Variants in AHRR observed in about 807,000 individuals in gnomAD.
AHRR encodes the protein ahR repressor.
A neutral mutation model predicts 44.0 loss-of-function variants in AHRR; 28 were observed. The ratio of observed to expected loss-of-function variants is 0.64; its 90% CI spans 0.47 to 0.87. The LOEUF (loss-of-function observed/expected upper bound fraction) is 0.87, where lower values mean the gene tolerates loss of function less well. Among genes scored for constraint, AHRR ranks in the 40% least tolerant of loss-of-function variants. AHRR has a pLI of 0.00. For synonymous variants in AHRR, 434 were observed against 407.0 expected (o/e 1.07, Z -0.80); for missense variants, 990 against 953.9 (o/e 1.04, Z -0.50).
chr5:336,963 A>T (rs1194167413), intron 1 of AHRR, among the ~76,000 whole-genome samples: 1 of 152,176 alleles, frequency 6.6e-6, no homozygotes, highest in Non-Finnish European at 1.5e-5. Context: ...CATTTGTTGA[A>T]GAGATTGTTC....
chr5:326,009 C>T lies in AHRR; in HGVS notation c.-11+4190C>T, dbSNP rs181506151. Among the ~76,000 whole-genome samples, 1 of 152,160 alleles carries T rather than the reference C, an allele frequency of 6.6e-6. No homozygotes were observed. Among genetic ancestry groups the T allele is most frequent in the Non-Finnish European group, 1.5e-5 (1 of 68,042 alleles). On this transcript the variant is annotated intron_variant, in intron 1 of 10. Coordinates refer to ENST00000684583, the MANE Select transcript of AHRR (RefSeq NM_001377236.1). This position sits in a 1 kb window ranked among gnomAD's most constrained non-coding sequence, Gnocchi z 4.1. The stretch of plus-strand genomic sequence containing the variant: ...TGTTGGCCAGGCTGGTCTTGAACTC[C>T]TGACCTCAGGCGATTCCCCTGCCTC...
intron 4 of AHRR, among the ~76,000 whole-genome samples, chr5:392,418 C>T (rs1231321820): frequency 5.3e-5 from 6 of 113,950 alleles, no homozygotes; most frequent in Non-Finnish European, 8.9e-5. Context: ...AGAGCGTGCA[C>T]GAACACACGG....
chr5:347,058 G>A (rs1742704463), intron 2 of AHRR, among the ~76,000 whole-genome samples: 1 of 152,166 alleles, frequency 6.6e-6, no homozygotes, highest in Non-Finnish European at 1.5e-5. Flanking sequence ...CCAGCATTAG[G>A]GTTAGAGTCC....
rs770858910 is a variant in AHRR at position 434,418 on chromosome 5, A to G, written c.1678A>G (p.Arg560Gly). 6.2e-7 allele frequency: 1 copy of G among 1,613,316 alleles called. No homozygotes were observed. The highest frequency in any genetic ancestry group is 1.1e-5 in the South Asian group (1 of 91,080). Residue 560 changes from arginine (R) to glycine (G), a missense_variant, in exon 11 of 11, where the codon AGG (arginine) becomes GGG (glycine). Coordinates refer to ENST00000684583, the MANE Select transcript of AHRR (RefSeq NM_001377236.1). ...PSQVWLGASD[R>G]SHPATFPTRM... ...CCAGGTGTGGCTGGGGGCCAGTGAC[A>G]GGAGCCACCCAGCCACCTTCCCTAC...
At chr5:430,372 C>T (rs539409584) in intron 8 of AHRR, among the ~76,000 whole-genome samples, 17 of 152,374 alleles carry the variant, frequency 1.1e-4, no homozygotes, top group African/African-American at 2.4e-4. Context: ...CACCAGGACC[C>T]GCCACTGAGC....
intron 1 of AHRR, 36 bp from the exon 2 acceptor site, chr5:343,857 C>T: frequency 1.3e-6 from 2 of 1,571,938 alleles, no homozygotes; most frequent in Non-Finnish European, 1.7e-6. Flanking sequence ...GCGCACGTGG[C>T]GCGTTCCGGT....
At chr5:398,262 C>T (rs1417496107) in intron 4 of AHRR, among the ~76,000 whole-genome samples, 1 of 152,010 alleles carries the variant, frequency 6.6e-6, no homozygotes, top group Non-Finnish European at 1.5e-5. Context: ...CACGTAGCTC[C>T]TGACCATCCA....
intron 8 of AHRR, among the ~76,000 whole-genome samples, chr5:428,651 T>C (rs368862986): frequency 6.6e-6 from 1 of 152,264 alleles, no homozygotes; most frequent in East Asian, 1.9e-4. Context: ...TTACTCACTA[T>C]GCATTTCATT....
In AHRR at chr5:411,072, A is replaced by G. The variant is rs1172142490; in HGVS notation, c.352-2272A>G. On this transcript the variant is annotated intron_variant, in intron 4 of 10. Coordinates refer to ENST00000684583, the MANE Select transcript of AHRR (RefSeq NM_001377236.1). This position sits in a 1 kb window ranked among gnomAD's most constrained non-coding sequence, Gnocchi z 4.2. Reference sequence around the variant, plus strand: ...TATCCGTTTTATTAATCTTTTCAAAATTTTCAAAAATTCAAATTTTGACTC... The same window carrying G: ...TATCCGTTTTATTAATCTTTTCAAAGTTTTCAAAAATTCAAATTTTGACTC... Among the ~76,000 whole-genome samples, 1 of 151,700 alleles carries G rather than the reference A, an allele frequency of 6.6e-6. No homozygotes were observed. The highest frequency in any genetic ancestry group is 1.5e-5 in the Non-Finnish European group (1 of 67,956).
At position 387,901 on chromosome 5, in the gene AHRR, C is replaced by T. The variant is rs956014982; in HGVS notation, c.351+11185C>T. 4.6e-5 allele frequency among the ~76,000 whole-genome samples: 7 copies of T among 152,206 alleles called. No individual in the cohort carries two copies. Among genetic ancestry groups the T allele is most frequent in the African/African-American group, 1.4e-4 (6 of 41,468 alleles). On this transcript the variant is annotated intron_variant, in intron 4 of 10. Transcript: ENST00000684583. This position sits in a 1 kb window ranked among gnomAD's most constrained non-coding sequence, Gnocchi z 5.1. ...GGCTGCAAGCGAGGTGTTGGCAGGACGGGCCCCTTGACAAAGGCTCTTGGG... is the reference window on the plus strand; with the variant it reads ...GGCTGCAAGCGAGGTGTTGGCAGGATGGGCCCCTTGACAAAGGCTCTTGGG...
rs1178571156 is a variant in AHRR, at chr5:389,918, AGGGAGG to A, written c.351+13217_351+13222del. 6.1e-4 allele frequency among the ~76,000 whole-genome samples: 35 copies of A among 57,586 alleles called. 1 individual carries two copies. In the Admixed American group the frequency reaches 6.8e-3, roughly 11 times the overall value. 37.8% of individuals were successfully genotyped at this position (57,586 alleles called of 152,430 possible). ...GGAAAGGGTGGGGGGAGGGGAAGGG[AGGGAGG>A]GGGAGGGGGAGGGGAAGGGAGGGAG... On this transcript the variant is annotated intron_variant, in intron 4 of 10. Transcript: ENST00000684583.
chr5:428,115 A>G (rs1736553467), intron 8 of AHRR, 109 bp downstream of exon 8: 4 of 1,292,052 alleles, frequency 3.1e-6, no homozygotes, highest in African/African-American at 1.5e-5. Context: ...CCAGCCAGTA[A>G]TAAGTCAGTT....
intron 1 of AHRR, 137 bp from the exon 2 acceptor site, chr5:343,756 G>A: frequency 1.3e-6 from 1 of 791,938 alleles, no homozygotes. Context: ...GGTCCCACGA[G>A]GAGGAGCAGG....
intron 5 of AHRR, among the ~76,000 whole-genome samples, chr5:416,358 G>C (rs1212616662): frequency 6.6e-6 from 1 of 152,274 alleles, no homozygotes; most frequent in Non-Finnish European, 1.5e-5. Context: ...GCTGTGGCCA[G>C]ACCACGGGGC....
In AHRR at chr5:375,129, C is replaced by T. The variant is rs924411530; in HGVS notation, c.245-1481C>T. 2.0e-5 allele frequency among the ~76,000 whole-genome samples: 3 copies of T among 152,382 alleles called. No individual in the cohort carries two copies. In the South Asian group the frequency reaches 6.2e-4, roughly 32 times the overall value. On this transcript the variant is annotated intron_variant, in intron 3 of 10. Transcript: ENST00000684583. ...TTCAGGCCACACACATTTCAGAGCA[C>T]TCTCAGGTGACAGACACAGTGCCCC...
At chr5:390,469 G>A (rs1359297316) in intron 4 of AHRR, among the ~76,000 whole-genome samples, 1 of 152,186 alleles carries the variant, frequency 6.6e-6, no homozygotes, top group Non-Finnish European at 1.5e-5. Context: ...ACATGAAAAC[G>A]GCTCAACAAT....
chr5:416,426 C>G (rs1735815957), intron 5 of AHRR, among the ~76,000 whole-genome samples: 1 of 152,384 alleles, frequency 6.6e-6, no homozygotes, highest in Admixed American at 6.5e-5. Flanking sequence ...TCTCCTACCA[C>G]AGAGTGACAT....
At chr5:389,031 G>A (rs1734290396) in intron 4 of AHRR, among the ~76,000 whole-genome samples, 1 of 152,134 alleles carries the variant, frequency 6.6e-6, no homozygotes, top group Non-Finnish European at 1.5e-5. Flanking sequence ...GCCCTGCTGG[G>A]CCAGACGCCC....
intron 3 of AHRR, among the ~76,000 whole-genome samples, chr5:372,646 A>G (rs1269839575): frequency 6.6e-6 from 1 of 152,002 alleles, no homozygotes; most frequent in Non-Finnish European, 1.5e-5. Context: ...GTGATCTCCA[A>G]TGGCAGGGCT....
Sources: allele counts gnomAD v4.1 joint callset (sites outside exome capture counted in the v4.1 genomes callset), GRCh38; gene constraint gnomAD v4.1.1; non-coding constraint Gnocchi (gnomAD v3.1); transcripts MANE v1.5; gene names NCBI Gene and HGNC (gene_info 2026-07-23, HGNC 2026-07-21).